MED13L: variants seen among roughly 807,000 people sequenced by gnomAD.
The protein encoded by MED13L is mediator complex subunit 13L, also known as mediator of RNA polymerase II transcription subunit 13-like.
Under a neutral mutation model 220.9 loss-of-function variants are expected in MED13L, and 7 were observed. That is an observed-to-expected ratio of 0.03 (90% CI 0.02 to 0.06). The LOEUF (loss-of-function observed/expected upper bound fraction) is 0.06. Among genes scored for constraint, MED13L ranks in the 10% least tolerant of loss-of-function variants. MED13L has a pLI of 1.00. For missense variants in MED13L, 1,965 were observed against 2,760.5 expected (o/e 0.71, Z 6.46); for synonymous variants, 1,011 against 1,015.2 (o/e 1.00, Z 0.08).
chr12:116,005,488 G>A (rs1329217230), intron 13 of MED13L, among the ~76,000 whole-genome samples: 1 of 152,062 alleles, frequency 6.6e-6, no homozygotes, highest in Non-Finnish European at 1.5e-5. Context: ...AAAGTTATGT[G>A]GGCATTACTT....
At chr12:116,053,071 G>C (rs1868638086) in intron 4 of MED13L, among the ~76,000 whole-genome samples, 1 of 152,112 alleles carries the variant, frequency 6.6e-6, no homozygotes, top group African/African-American at 2.4e-5. Context: ...CTTTCTGAAA[G>C]ATTTACGGAA....
chr12:116,094,295 A>G (rs1343229479), intron 4 of MED13L, among the ~76,000 whole-genome samples: 3 of 152,242 alleles, frequency 2.0e-5, no homozygotes, highest in Non-Finnish European at 4.4e-5. Context: ...TTTCTGAAAT[A>G]CTGTTTCAAA....
intron 2 of MED13L, among the ~76,000 whole-genome samples, chr12:116,120,061 T>C (rs1038499711): frequency 2.0e-5 from 3 of 152,042 alleles, no homozygotes; most frequent in East Asian, 3.9e-4. Flanking sequence ...TTCTCGGATA[T>C]TCATAAACAT....
At chr12:116,203,435 CATAAAA>C (rs1332777244) in intron 2 of MED13L, among the ~76,000 whole-genome samples, 3 of 148,288 alleles carry the variant, frequency 2.0e-5, no homozygotes, top group East Asian at 1.9e-4. Context: ...TTGAAATAAA[CATAAAA>C]ATAAAAATAA....
intron 3 of MED13L, among the ~76,000 whole-genome samples, chr12:116,102,262 C>A (rs867867982): frequency 1.7e-4 from 26 of 152,298 alleles, no homozygotes; most frequent in Admixed American, 1.2e-3. Flanking sequence ...AAGCCACAGG[C>A]AGACCTGACG....
At chr12:116,210,494 A>G (rs1882618944) in intron 2 of MED13L, among the ~76,000 whole-genome samples, 1 of 148,182 alleles carries the variant, frequency 6.7e-6, no homozygotes, top group Non-Finnish European at 1.5e-5. Context: ...TCTGTTTAAC[A>G]CCTCCCTAAA....
chr12:116,097,099 A>G (rs1872693032), intron 3 of MED13L, among the ~76,000 whole-genome samples: 1 of 152,120 alleles, frequency 6.6e-6, no homozygotes, highest in Admixed American at 6.5e-5. Flanking sequence ...GGAATACAGC[A>G]TTTCTTAAGA....
At chr12:116,084,109 T>C (rs544107492) in intron 4 of MED13L, among the ~76,000 whole-genome samples, 8 of 152,354 alleles carry the variant, frequency 5.3e-5, no homozygotes, top group Middle Eastern at 6.8e-3. Context: ...ACCAGTGTAA[T>C]ATTCCTCAAA....
At chr12:116,075,742 A>G (rs1159847360) in intron 4 of MED13L, among the ~76,000 whole-genome samples, 1 of 152,114 alleles carries the variant, frequency 6.6e-6, no homozygotes, top group Non-Finnish European at 1.5e-5. Flanking sequence ...TCCTTCCCTT[A>G]AAGTTTGAAG....
At chr12:116,221,890 G>A (rs951340541) in intron 2 of MED13L, among the ~76,000 whole-genome samples, 2 of 151,860 alleles carry the variant, frequency 1.3e-5, no homozygotes, top group Non-Finnish European at 2.9e-5. Flanking sequence ...TCCCCATAAG[G>A]AGCAAGGGCA....
At position 116,277,094 on chromosome 12, in the gene MED13L, C is replaced by T; in HGVS notation, c.38G>A (p.Ser13Asn). Residue 13 changes from serine to asparagine, a missense_variant, in exon 1 of 31, where the codon AGC becomes AAC. Ser to Asn is a conservative substitution (Grantham distance 46, BLOSUM62 1). This residue lies in a region of MED13L where 818 missense variants were observed against 1,041.2 expected (regional missense o/e 0.79). Coordinates refer to ENST00000281928, the MANE Select transcript of MED13L (RefSeq NM_015335.5). ...GAGGTTGGAGTGACAATCCTCCAGG[C>T]TCGCCCCGTTCGCCACCCAGTTCGC... ...AAANWVANGA[S>N]LEDCHSNLFS... 1 of 1,592,720 alleles carries T rather than the reference C, an allele frequency of 6.3e-7. No individual in the cohort carries two copies. The highest frequency in any genetic ancestry group is 1.3e-5 in the African/African-American group (1 of 74,666).
chr12:116,128,836 A>T (rs1875823271), intron 2 of MED13L, among the ~76,000 whole-genome samples: 1 of 152,192 alleles, frequency 6.6e-6, no homozygotes, highest in Non-Finnish European at 1.5e-5. Context: ...TATGTGTTCC[A>T]TGTTCCATTC....
At position 116,063,798 on chromosome 12, in the gene MED13L, C is replaced by A. The variant is rs187645325; in HGVS notation, c.479+32871G>T. Among the ~76,000 whole-genome samples, 521 of 152,162 alleles carry A rather than the reference C, an allele frequency of 3.4e-3. 1 individual carries two copies. Among genetic ancestry groups the A allele is most frequent in the Non-Finnish European group, 5.4e-3 (364 of 68,000 alleles). ...GATATTACTAATACAAAAATATAAA[C>A]AGTGGTAGAGTCATCCCACTGTACC... is the stretch of plus-strand genomic sequence containing the variant. On this transcript the variant is annotated intron_variant, in intron 4 of 30. Transcript: ENST00000281928.
intron 1 of MED13L, among the ~76,000 whole-genome samples, chr12:116,259,237 AG>A (rs962786177): frequency 6.6e-6 from 1 of 152,220 alleles, no homozygotes; most frequent in Non-Finnish European, 1.5e-5. Context: ...AAATACTTGA[AG>A]ACAATGTTAA....
At chr12:116,272,896 T>TTA (rs1268664576) in intron 1 of MED13L, among the ~76,000 whole-genome samples, 1 of 152,226 alleles carries the variant, frequency 6.6e-6, no homozygotes, top group Non-Finnish European at 1.5e-5. Context: ...ATGGCAACTA[T>TTA]TACCGGGTGG....
chr12:116,172,471 A>C (rs1447962326), intron 2 of MED13L, among the ~76,000 whole-genome samples: 2 of 152,202 alleles, frequency 1.3e-5, no homozygotes, highest in Admixed American at 1.3e-4. Flanking sequence ...CTCTCTAGAA[A>C]TGAGAAACTT....
rs952566315 is a variant in MED13L, at chr12:115,971,982, T to C, written c.5890+96A>G. On this transcript the variant is annotated intron_variant, in intron 26 of 30. Coordinates refer to ENST00000281928, the MANE Select transcript of MED13L (RefSeq NM_015335.5). ...AATACAATCTTCCCTTATAGAAATATAATGAAGACAATTCTACCCTTGTCT... is the reference window on the plus strand; with the variant it reads ...AATACAATCTTCCCTTATAGAAATACAATGAAGACAATTCTACCCTTGTCT... 1.6e-5 allele frequency: 22 copies of C among 1,337,472 alleles called. No homozygotes were observed. In the African/African-American group the frequency reaches 3.0e-4, roughly 19 times the overall value. 82.9% of individuals were successfully genotyped at this position (1,337,472 alleles called of 1,614,324 possible). A position where few individuals can be genotyped will look rare whatever the true frequency, so the allele number is the denominator to read the frequency against.
At chr12:116,213,562 C>T (rs1343975327) in intron 2 of MED13L, among the ~76,000 whole-genome samples, 13 of 152,068 alleles carry the variant, frequency 8.5e-5, no homozygotes, top group African/African-American at 2.9e-4. Flanking sequence ...AACAGGCATG[C>T]GCCACCATGC....
At chr12:115,972,850 T>C (rs530395236) in intron 25 of MED13L, among the ~76,000 whole-genome samples, 3 of 152,262 alleles carry the variant, frequency 2.0e-5, no homozygotes, top group Admixed American at 6.5e-5. Flanking sequence ...AACAAAAGCA[T>C]TATACCTAAC....
Sources: gnomAD v4.1 joint callset for allele counts (sites outside exome capture counted in the v4.1 genomes callset) on GRCh38, gnomAD v4.1.1 for gene constraint, gnomAD v4.1.1 regional missense constraint, MANE v1.5 for transcripts, NCBI Gene and HGNC (gene_info 2026-07-23, HGNC 2026-07-21) for gene names.